POLR3B: variants seen among roughly 807,000 people sequenced by gnomAD.
POLR3B encodes the protein RNA polymerase III subunit B, also known as DNA-directed RNA polymerase III subunit RPC2.
POLR3B carries 96 observed loss-of-function variants against 147.4 expected under a neutral mutation model. The observed-to-expected ratio is 0.65, with a 90% CI of 0.55 to 0.77. The LOEUF (loss-of-function observed/expected upper bound fraction) is 0.77. Ranked by LOEUF, POLR3B falls within the 30% of genes least tolerant of loss-of-function variation. The pLI is 0.00. For missense variants in POLR3B, 1,036 were observed against 1,413.5 expected (o/e 0.73, Z 4.28); for synonymous variants, 461 against 485.9 (o/e 0.95, Z 0.67).
intron 23 of POLR3B, among the ~76,000 whole-genome samples, chr12:106,477,886 C>CT (rs2038201768): frequency 7.3e-6 from 1 of 136,988 alleles, no homozygotes; most frequent in African/African-American, 2.8e-5. Flanking sequence ...ATCTTGGCTC[C>CT]TCCCCTTTTT....
chr12:106,408,696 C>G (rs2037181603), intron 11 of POLR3B, among the ~76,000 whole-genome samples: 1 of 152,160 alleles, frequency 6.6e-6, no homozygotes, highest in East Asian at 1.9e-4. Flanking sequence ...TTTTCTCCCC[C>G]TCTTTCACAT....
chr12:106,429,075 T>C (rs1438733652), intron 13 of POLR3B, among the ~76,000 whole-genome samples: 9 of 152,200 alleles, frequency 5.9e-5, no homozygotes, highest in African/African-American at 2.4e-5. Flanking sequence ...CTGGCTTTTA[T>C]TGGGTCCTCT....
At chr12:106,494,296 C>T (rs1774331496) in intron 23 of POLR3B, among the ~76,000 whole-genome samples, 1 of 152,190 alleles carries the variant, frequency 6.6e-6, no homozygotes, top group African/African-American at 2.4e-5. Context: ...TTCTGCACCT[C>T]CTGCCCCTCT....
At chr12:106,493,374 G>A (rs947435204) in intron 23 of POLR3B, among the ~76,000 whole-genome samples, 3 of 152,180 alleles carry the variant, frequency 2.0e-5, no homozygotes, top group African/African-American at 7.2e-5. Context: ...TTAAGGATTT[G>A]AATAATTCTG....
chr12:106,360,003 A>G (rs1277973343), intron 1 of POLR3B, among the ~76,000 whole-genome samples: 3 of 152,238 alleles, frequency 2.0e-5, no homozygotes, highest in African/African-American at 7.2e-5. Context: ...TGATTGAAGA[A>G]TAACAGTTCC....
intron 10 of POLR3B, among the ~76,000 whole-genome samples, chr12:106,394,022 T>C (rs985337094): frequency 5.3e-5 from 8 of 152,226 alleles, no homozygotes; most frequent in African/African-American, 1.9e-4. Flanking sequence ...GTGGGTTATG[T>C]ATGACATATG....
At chr12:106,457,113 A>G (rs1330682971) in intron 20 of POLR3B, 25 bp from the exon 21 acceptor site, 5 of 1,605,058 alleles carry the variant, frequency 3.1e-6, no homozygotes, top group South Asian at 2.2e-5. Context: ...TGGTGGTTCT[A>G]ATGCCCATCT....
At chr12:106,403,134 C>A (rs1440185401) in intron 10 of POLR3B, among the ~76,000 whole-genome samples, 1 of 151,840 alleles carries the variant, frequency 6.6e-6, no homozygotes, top group Non-Finnish European at 1.5e-5. Context: ...ACAACCCCAT[C>A]AAAAAGTGGG....
chr12:106,459,227 C>T, intron 21 of POLR3B, 24 bp from the exon 22 acceptor site: 1 of 1,255,674 alleles, frequency 8.0e-7, no homozygotes, highest in Admixed American at 1.7e-5. Context: ...AACGATGTGC[C>T]TAACACTTTT....
chr12:106,425,546 G>A (rs2037424158), intron 12 of POLR3B, among the ~76,000 whole-genome samples: 2 of 152,108 alleles, frequency 1.3e-5, no homozygotes, highest in African/African-American at 4.8e-5. Flanking sequence ...AGGGACTTAG[G>A]TGTTGCTTCC....
At chr12:106,432,178 G>T in intron 14 of POLR3B, 140 bp from the exon 15 acceptor site, 1 of 724,270 alleles carries the variant, frequency 1.4e-6, no homozygotes, top group South Asian at 1.5e-5. Context: ...AAAGGCATTT[G>T]TGCGAATCAC....
In POLR3B at chr12:106,427,182, T is replaced by C; in HGVS notation, c.1102-15T>C. The C allele has an allele frequency of 8.0e-7, 1 of 1,249,276 alleles. No homozygotes were observed. The allele number at this position is 1,249,276 out of a possible 1,614,324, so 77.4% of individuals were successfully genotyped here. ...TTTTTGAAAAATCACCATATACCTTTTTTTTTTTTTTTAGCTTTTATCTCT... is the reference window on the plus strand; with the variant it reads ...TTTTTGAAAAATCACCATATACCTTCTTTTTTTTTTTTAGCTTTTATCTCT... On this transcript the variant is annotated splice_polypyrimidine_tract_variant and intron_variant, in intron 12 of 27. Transcript: ENST00000228347.
intron 10 of POLR3B, among the ~76,000 whole-genome samples, chr12:106,393,491 TTGTGTGTGTGTGTG>T (rs71072674): frequency 0.017 from 2,469 of 141,450 alleles, 69 homozygotes; most frequent in African/African-American, 0.06. Context: ...TGTACAGGTT[TTGTGTGTGTGTGTG>T]TGTGTGTGTG....
chr12:106,420,600 A>G (rs1233998274), intron 12 of POLR3B, among the ~76,000 whole-genome samples: 4 of 152,198 alleles, frequency 2.6e-5, no homozygotes, highest in Non-Finnish European at 4.4e-5. Flanking sequence ...ATTTATGATT[A>G]TTATCTGCAG....
intron 12 of POLR3B, among the ~76,000 whole-genome samples, chr12:106,422,989 T>C (rs1247192259): frequency 3.3e-5 from 5 of 152,212 alleles, no homozygotes; most frequent in African/African-American, 4.8e-5. Flanking sequence ...TCAATAAAGA[T>C]TTATAATTTT....
chr12:106,397,625 A>G (rs2264759), intron 10 of POLR3B, among the ~76,000 whole-genome samples: 96,442 of 152,110 alleles, frequency 0.63, 30,907 homozygotes, highest in East Asian at 0.77. Flanking sequence ...CTTATTGTCT[A>G]AGATTCATCC....
rs566589674 is a variant in POLR3B at position 106,411,299 on chromosome 12, C to T, written c.1101+339C>T. Among the ~76,000 whole-genome samples the T allele has an allele frequency of 1.2e-3, 184 of 152,106 alleles. 4 individuals carry two copies. The South Asian group carries it at 0.035, about 29-fold the overall frequency. ...GATTACAGGCATGTGCCACCGTGCC[C>T]GGCTAATTTTGTATTTTTGGTAGAG... On this transcript the variant is annotated intron_variant, in intron 12 of 27. Transcript: ENST00000228347.
chr12:106,366,399 TAAA>T (rs1297442497), intron 2 of POLR3B, 114 bp from the exon 3 acceptor site: 18 of 708,928 alleles, frequency 2.5e-5, no homozygotes. Flanking sequence ...TTGATTTTGA[TAAA>T]AATTTGATGT....
In POLR3B at chr12:106,496,044, C is replaced by G. The variant is rs2038477538; in HGVS notation, c.2714-11C>G. The stretch of plus-strand genomic sequence containing the variant: ...CTTGCTTTATGTGGCATGAAATCTT[C>G]TCTCCCCCAGGTGTTTGTGGCTTGA... On this transcript the variant is annotated splice_polypyrimidine_tract_variant and intron_variant, in intron 23 of 27. Transcript: ENST00000228347. The G allele has an allele frequency of 5.2e-6, 8 of 1,545,022 alleles. No individual in the cohort carries two copies. In the East Asian group the frequency reaches 1.8e-4, roughly 35 times the overall value.
Sources: gnomAD v4.1 joint callset for allele counts (sites outside exome capture counted in the v4.1 genomes callset) on GRCh38, gnomAD v4.1.1 for gene constraint, MANE v1.5 for transcripts, NCBI Gene and HGNC (gene_info 2026-07-23, HGNC 2026-07-21) for gene names.